The following BTBD7 variants were observed in gnomAD, a reference collection of about 807,000 sequenced individuals.
The protein encoded by BTBD7 is BTB domain containing 7, also known as BTB/POZ domain-containing protein 7.
Under a neutral mutation model 99.9 loss-of-function variants are expected in BTBD7, and 38 were observed. The observed-to-expected ratio is 0.38, with a 90% CI of 0.29 to 0.50. BTBD7 has a LOEUF of 0.50. Ranked by LOEUF, BTBD7 falls within the 20% of genes least tolerant of loss-of-function variation. The pLI, the probability that BTBD7 is intolerant of heterozygous loss-of-function variation, is 0.93. For missense variants in BTBD7, 1,170 were observed against 1,394.6 expected (o/e 0.84, Z 2.57); for synonymous variants, 520 against 511.4 (o/e 1.02, Z -0.23).
chr14:93,263,921 G>C lies in BTBD7; in HGVS notation c.1235C>G (p.Pro412Arg), dbSNP rs1214493305. The change falls in exon 4 of 11, where the codon CCA becomes CGA. Residue 412 changes from proline to arginine, a missense_variant. Transcript: ENST00000334746. ...TCGGTGCACCCATTTAGAGCCATAT[G>C]GATGAGAACTCCACTTGAGGATGGC... ...LIAILKWSSH[P>R]YGSKWVHRQA... 1 of 1,614,208 alleles carries C rather than the reference G, an allele frequency of 6.2e-7. No homozygotes were observed. The highest frequency in any genetic ancestry group is 1.7e-5 in the Admixed American group (1 of 60,036).
At chr14:93,319,375 T>C (rs2053244169) in intron 1 of BTBD7, among the ~76,000 whole-genome samples, 1 of 152,192 alleles carries the variant, frequency 6.6e-6, no homozygotes, top group Non-Finnish European at 1.5e-5. Flanking sequence ...ACAACCTAAA[T>C]ATCCATTGAC....
chr14:93,319,519 A>G (rs1309796754), intron 1 of BTBD7, among the ~76,000 whole-genome samples: 3 of 152,238 alleles, frequency 2.0e-5, no homozygotes, highest in African/African-American at 4.8e-5. Context: ...AGTCACAGAA[A>G]GACAAATACT....
chr14:93,263,654 A>C, intron 4 of BTBD7, 131 bp downstream of exon 4: 2 of 760,008 alleles, frequency 2.6e-6, no homozygotes, highest in South Asian at 1.8e-5. Context: ...TGAAGAGGGC[A>C]GTCCTGGGTG....
intron 1 of BTBD7, among the ~76,000 whole-genome samples, chr14:93,305,466 G>A (rs2053059103): frequency 6.6e-6 from 1 of 152,122 alleles, no homozygotes; most frequent in Non-Finnish European, 1.5e-5. Context: ...ACATCAACAA[G>A]GTCTCTTATG....
intron 3 of BTBD7, among the ~76,000 whole-genome samples, chr14:93,274,052 A>G (rs1427266920): frequency 2.0e-5 from 2 of 101,168 alleles, no homozygotes; most frequent in Non-Finnish European, 3.8e-5. Flanking sequence ...ACTACTAATA[A>G]AGAAACTAAG....
chr14:93,323,666 G>A lies in BTBD7; in HGVS notation c.-107+9154C>T, dbSNP rs374722155. 6.6e-5 allele frequency among the ~76,000 whole-genome samples: 10 copies of A among 152,256 alleles called. No homozygotes were observed. The East Asian group carries it at 1.9e-3, about 29-fold the overall frequency. ...ATGTAATATTGCTCCTTCCGTAAAG[G>A]ACTACAGCCAGGAGACTGACATAGT... On this transcript the variant is annotated intron_variant, in intron 1 of 10. Coordinates refer to ENST00000334746, the MANE Select transcript of BTBD7 (RefSeq NM_001002860.4).
chr14:93,310,395 C>T (rs2053123235), intron 1 of BTBD7, among the ~76,000 whole-genome samples: 1 of 152,162 alleles, frequency 6.6e-6, no homozygotes, highest in South Asian at 2.1e-4. Flanking sequence ...TCAATCTCTG[C>T]ATATGGGTTC....
At chr14:93,247,621 C>T (rs1399892957) in intron 9 of BTBD7, among the ~76,000 whole-genome samples, 1 of 152,228 alleles carries the variant, frequency 6.6e-6, no homozygotes, top group African/African-American at 2.4e-5. Context: ...GTTGGGATTA[C>T]AGGCGTGAGC....
chr14:93,268,948 G>A (rs1042579916), intron 3 of BTBD7, among the ~76,000 whole-genome samples: 3 of 151,814 alleles, frequency 2.0e-5, no homozygotes, highest in South Asian at 2.1e-4. Context: ...TAGTAGAGAC[G>A]GGGTTTCACC....
At chr14:93,248,374 C>T (rs117053891) in intron 9 of BTBD7, 102 bp downstream of exon 9, 30,814 of 1,252,522 alleles carry the variant, frequency 0.025, 462 homozygotes, top group Non-Finnish European at 0.029. Flanking sequence ...AAAGCACATA[C>T]GACGAAAAGG....
Position 93,242,917 on chromosome 14 carries a change from G to A in BTBD7, c.2755C>T (p.His919Tyr), listed in dbSNP as rs2052252332. The A allele has an allele frequency of 1.2e-6, 2 of 1,614,012 alleles. No homozygotes were observed. Among genetic ancestry groups the A allele is most frequent in the South Asian group, 1.1e-5 (1 of 91,078 alleles). Residue 919 changes from histidine to tyrosine, a missense_variant, in exon 11 of 11, where the codon CAT becomes TAT. Coordinates refer to ENST00000334746, the MANE Select transcript of BTBD7 (RefSeq NM_001002860.4). ...PQHLSCIPQR[H>Y]THTSRKKHTL... Reference sequence around the variant, plus strand: ...TGTTTTTTCCGAGAAGTGTGTGTATGTCTCTGTGGAATACACGACAGATGC... The same window carrying A: ...TGTTTTTTCCGAGAAGTGTGTGTATATCTCTGTGGAATACACGACAGATGC...
rs770012733 is a variant in BTBD7 at position 93,251,528 on chromosome 14, A to G, written c.1877T>C (p.Ile626Thr). 4.3e-6 allele frequency: 7 copies of G among 1,613,892 alleles called. No individual in the cohort carries two copies. In the Admixed American group the frequency reaches 8.3e-5, roughly 19 times the overall value. Reference protein sequence around the residue: ...NNAVPQCCHMISHQQISSNQS... With the variant: ...NNAVPQCCHMTSHQQISSNQS... Reference sequence around the variant, plus strand: ...GTTGCTGCTGATCTGCTGGTGGCTGATCATGTGACAACACTGTGGCACGGC... The same window carrying G: ...GTTGCTGCTGATCTGCTGGTGGCTGGTCATGTGACAACACTGTGGCACGGC... Residue 626 changes from isoleucine to threonine, a missense_variant, in exon 8 of 11, where the codon ATC (isoleucine) becomes ACC (threonine). Ile to Thr is a moderately conservative substitution (Grantham distance 89). This residue lies in a region of BTBD7 where 309 missense variants were observed against 342.0 expected (regional missense o/e 0.90). Transcript: ENST00000334746.
chr14:93,291,339 G>A (rs1230619049), intron 3 of BTBD7, among the ~76,000 whole-genome samples: 1 of 152,020 alleles, frequency 6.6e-6, no homozygotes, highest in Non-Finnish European at 1.5e-5. Flanking sequence ...TTTTACAAAT[G>A]AGAAAAGAGG....
At chr14:93,309,107 C>T (rs79667177) in intron 1 of BTBD7, among the ~76,000 whole-genome samples, 1,704 of 152,276 alleles carry the variant, frequency 0.011, 32 homozygotes, top group African/African-American at 0.039. Flanking sequence ...CCCCCAACTT[C>T]ATGTTCCTTT....
At chr14:93,300,254 GTTCTT>G (rs1382797105) in intron 1 of BTBD7, among the ~76,000 whole-genome samples, 7 of 136,946 alleles carry the variant, frequency 5.1e-5, no homozygotes, top group African/African-American at 1.9e-4. Context: ...TTCTTTCTTT[GTTCTT>G]TTTTTTTTTT....
rs1376662777 is a variant in BTBD7, at chr14:93,242,696, G to A, written c.2976C>T (p.Tyr992=). 1 of 1,614,196 alleles carries A rather than the reference G, an allele frequency of 6.2e-7. No homozygotes were observed. The highest frequency in any genetic ancestry group is 8.5e-7 in the Non-Finnish European group (1 of 1,180,034). ...TTTTAGGAGACGTCTGACCAGGTAG[G>A]TAGGCTGACTTTAAGCCACTTGGTG... ...KASPSGLKSA[Y]LPGQTSPKKQ... The change falls in exon 11 of 11, where the codon TAC becomes TAT. Residue 992 remains tyrosine (Y), a synonymous_variant. Coordinates refer to ENST00000334746, the MANE Select transcript of BTBD7 (RefSeq NM_001002860.4).
rs1388472033 is a variant in BTBD7 at position 93,242,449 on chromosome 14, G to A, written c.3223C>T (p.Leu1075Phe). The A allele has an allele frequency of 3.1e-5, 50 of 1,614,236 alleles. 1 individual carries two copies. Among genetic ancestry groups the A allele is most frequent in the Non-Finnish European group, 4.2e-5 (49 of 1,180,050 alleles). ...GGAGCTTCAGAGCTACATGCAGAAA[G>A]TGAAGGTCTGTTAGGAGTCAGCCCA... ...TFGLTPNRPS[L>F]SACSSEAPEE... Residue 1075 changes from leucine to phenylalanine, a missense_variant, in exon 11 of 11, where the codon CTT becomes TTT. Around this residue, in one of 4 missense-constraint regions of BTBD7, gnomAD observed 495 missense variants for 525.9 expected, o/e 0.94. Transcript: ENST00000334746.
At chr14:93,276,123 G>C (rs1208133297) in intron 3 of BTBD7, among the ~76,000 whole-genome samples, 1 of 152,172 alleles carries the variant, frequency 6.6e-6, no homozygotes, top group Non-Finnish European at 1.5e-5. Flanking sequence ...GGCTGAGGTG[G>C]GAGAATTGAT....
Position 93,294,497 on chromosome 14 carries a change from G to T in BTBD7, c.523C>A (p.Pro175Thr). The T allele has an allele frequency of 6.2e-7, 1 of 1,614,096 alleles. No homozygotes were observed. The highest frequency in any genetic ancestry group is 8.5e-7 in the Non-Finnish European group (1 of 1,180,018). Residue 175 changes from proline to threonine, a missense_variant, in exon 3 of 11, where the codon CCA (proline) becomes ACA (threonine). Coordinates refer to ENST00000334746, the MANE Select transcript of BTBD7 (RefSeq NM_001002860.4). The stretch of plus-strand genomic sequence containing the variant: ...ATTATTATCTCTGCCCCATACTCTG[G>T]TGAGGAAGAAAGCAGTGTTTTAAAA... Reference protein sequence around the residue: ...PFFKTLLSSSPEYGAEIIMDI... With the variant: ...PFFKTLLSSSTEYGAEIIMDI...
Sources: gnomAD v4.1 joint callset for allele counts (sites outside exome capture counted in the v4.1 genomes callset) on GRCh38, gnomAD v4.1.1 for gene constraint, gnomAD v4.1.1 regional missense constraint, MANE v1.5 for transcripts, NCBI Gene and HGNC (gene_info 2026-07-23, HGNC 2026-07-21) for gene names.